SPON1: variants seen among roughly 807,000 people sequenced by gnomAD.
SPON1 encodes spondin 1.
Under a neutral mutation model 111.7 loss-of-function variants are expected in SPON1, and 52 were observed. That is an observed-to-expected ratio of 0.47 (90% CI 0.37 to 0.59). The LOEUF (loss-of-function observed/expected upper bound fraction) is 0.59. Ranked by LOEUF, SPON1 falls within the 20% of genes least tolerant of loss-of-function variation. The probability of loss-of-function intolerance (pLI) is 0.00; values close to 1 mark genes in which losing one functional copy is unlikely to be tolerated. For synonymous variants in SPON1, 410 were observed against 395.8 expected (o/e 1.04, Z -0.43); for missense variants, 957 against 1,068.5 (o/e 0.90, Z 1.46).
At chr11:14,050,785 C>T (rs1848702012) in intron 3 of SPON1, among the ~76,000 whole-genome samples, 1 of 152,128 alleles carries the variant, frequency 6.6e-6, no homozygotes, top group African/African-American at 2.4e-5. Context: ...GAACAGTGTG[C>T]CCAGGGTAAA....
chr11:14,208,851 TATTA>T (rs1354629816), intron 6 of SPON1, among the ~76,000 whole-genome samples: 2 of 152,208 alleles, frequency 1.3e-5, no homozygotes, highest in African/African-American at 4.8e-5. Context: ...GTGAGTACTT[TATTA>T]ATTATTATTG....
At chr11:14,081,888 A>G (rs1377765172) in intron 5 of SPON1, among the ~76,000 whole-genome samples, 1 of 152,092 alleles carries the variant, frequency 6.6e-6, no homozygotes, top group South Asian at 2.1e-4. Context: ...TGTTACCCAC[A>G]TGCAATCAAG....
intron 5 of SPON1, among the ~76,000 whole-genome samples, chr11:14,110,927 A>G (rs1849222437): frequency 6.6e-6 from 1 of 152,234 alleles, no homozygotes; most frequent in South Asian, 2.1e-4. Flanking sequence ...GGCAGAGACT[A>G]TGTTTTGTTC....
intron 6 of SPON1, among the ~76,000 whole-genome samples, chr11:14,141,854 T>C (rs10832192): frequency 0.4 from 60,068 of 151,840 alleles, 12,124 homozygotes; most frequent in East Asian, 0.54. Flanking sequence ...ATTCATGACA[T>C]GCTGCCTCAT....
At chr11:14,021,004 T>G (rs1848477434) in intron 2 of SPON1, among the ~76,000 whole-genome samples, 1 of 152,196 alleles carries the variant, frequency 6.6e-6, no homozygotes, top group African/African-American at 2.4e-5. Context: ...TTTACATGTA[T>G]GTTTAAAAGA....
intron 1 of SPON1, 146 bp from the exon 2 acceptor site, chr11:13,982,701 C>A (rs1848153508): frequency 1.6e-6 from 1 of 623,764 alleles, no homozygotes; most frequent in African/African-American, 1.8e-5. Context: ...GAGTTCTCAC[C>A]TCAATGGATG....
intron 2 of SPON1, among the ~76,000 whole-genome samples, chr11:13,991,933 C>T (rs1848233989): frequency 6.6e-6 from 1 of 152,194 alleles, no homozygotes; most frequent in South Asian, 2.1e-4. Flanking sequence ...CCTCTGGAAG[C>T]TTCATCCTAG....
At chr11:14,204,649 G>C (rs1186173584) in intron 6 of SPON1, among the ~76,000 whole-genome samples, 3 of 151,604 alleles carry the variant, frequency 2.0e-5, no homozygotes, top group African/African-American at 7.3e-5. Flanking sequence ...TGAAAAGAAG[G>C]GGTCTGCAGG....
intron 5 of SPON1, among the ~76,000 whole-genome samples, chr11:14,084,045 A>G (rs1462096628): frequency 2.0e-5 from 3 of 151,694 alleles, no homozygotes; most frequent in African/African-American, 4.9e-5. Context: ...GTAGTTCCCA[A>G]TTAGTCACAC....
intron 7 of SPON1, among the ~76,000 whole-genome samples, chr11:14,252,698 C>T (rs1554940780): frequency 6.6e-6 from 1 of 152,010 alleles, no homozygotes; most frequent in African/African-American, 2.4e-5. Context: ...AAGGCAAGAC[C>T]TGCGCAGAGT....
At chr11:14,028,882 C>T (rs1848538398) in intron 2 of SPON1, among the ~76,000 whole-genome samples, 1 of 152,180 alleles carries the variant, frequency 6.6e-6, no homozygotes, top group South Asian at 2.1e-4. Flanking sequence ...CTCCCCACTA[C>T]CCCATGCTAC....
In SPON1 at chr11:14,085,584, T is replaced by C. The variant is rs1313721375; in HGVS notation, c.676+5563T>C. On this transcript the variant is annotated intron_variant, in intron 5 of 15. Coordinates refer to ENST00000576479, the MANE Select transcript of SPON1 (RefSeq NM_006108.4). ...TATAATTTGAAGTCAGGTAGCATGA[T>C]GCCTCCAGCTTTGTTCTTTTTGCTT... Among the ~76,000 whole-genome samples, 3 of 152,256 alleles carry C rather than the reference T, an allele frequency of 2.0e-5. No homozygotes were observed. In the East Asian group the frequency reaches 5.8e-4, roughly 29 times the overall value.
At chr11:14,104,657 C>A (rs1044007128) in intron 5 of SPON1, among the ~76,000 whole-genome samples, 2 of 152,038 alleles carry the variant, frequency 1.3e-5, no homozygotes, top group Admixed American at 6.5e-5. Flanking sequence ...ACAAACAATT[C>A]TTTCTATTGT....
In SPON1 at chr11:14,267,506, A is replaced by C. The variant is rs1025080454; in HGVS notation, c.*1819A>C. ...CAATGTTGTTCTAAGCTATCTATCT[A>C]ACTCTCAGCCCATGATAAAGTTCCT... is the stretch of plus-strand genomic sequence containing the variant. On this transcript the variant is annotated 3_prime_UTR_variant, in exon 16 of 16. Coordinates refer to ENST00000576479, the MANE Select transcript of SPON1 (RefSeq NM_006108.4). 6.6e-6 allele frequency: 1 copy of C among 152,160 alleles called. No homozygotes were observed. Among genetic ancestry groups the C allele is most frequent in the Non-Finnish European group, 1.5e-5 (1 of 68,030 alleles). The allele number at this position is 152,160 out of a possible 1,614,324, so 9.4% of individuals were successfully genotyped here.
chr11:14,214,404 G>A (rs888281691), intron 6 of SPON1, among the ~76,000 whole-genome samples: 2 of 152,136 alleles, frequency 1.3e-5, no homozygotes, highest in Admixed American at 6.5e-5. Flanking sequence ...CTTCACAGCT[G>A]GCTCCTTACC....
intron 3 of SPON1, among the ~76,000 whole-genome samples, chr11:14,057,454 A>G (rs1350982064): frequency 1.3e-5 from 2 of 152,196 alleles, no homozygotes; most frequent in East Asian, 1.9e-4. Context: ...TCTAAACTAG[A>G]TATATTATCT....
chr11:14,252,011 C>T (rs1554940703), intron 7 of SPON1, among the ~76,000 whole-genome samples: 2 of 152,246 alleles, frequency 1.3e-5, no homozygotes, highest in African/African-American at 4.8e-5. Flanking sequence ...CTGACAGCAA[C>T]ACTGCAGGTA....
At chr11:14,074,807 T>C (rs1261515448) in intron 3 of SPON1, among the ~76,000 whole-genome samples, 2 of 152,204 alleles carry the variant, frequency 1.3e-5, no homozygotes, top group Non-Finnish European at 2.9e-5. Context: ...GAGGGAGATA[T>C]AACAGCTGAA....
At chr11:14,099,385 T>G (rs1849126572) in intron 5 of SPON1, among the ~76,000 whole-genome samples, 1 of 152,206 alleles carries the variant, frequency 6.6e-6, no homozygotes. Context: ...GTTGTCCTTT[T>G]GTTCCTTTGG....
Sources: gnomAD v4.1 joint callset for allele counts (sites outside exome capture counted in the v4.1 genomes callset) on GRCh38, gnomAD v4.1.1 for gene constraint, MANE v1.5 for transcripts, NCBI Gene and HGNC (gene_info 2026-07-23, HGNC 2026-07-21) for gene names.